Variants in REDIC1 observed in about 807,000 individuals in gnomAD.
REDIC1 encodes the protein regulator of DNA class I crossover intermediates 1.
the REDIC1 span, among the ~76,000 whole-genome samples, chr12:39,826,854 A>ATTTTTTTTTTTTTTTTTTT: frequency 1.3e-4 from 9 of 67,390 alleles, no homozygotes; most frequent in Non-Finnish European, 2.0e-4. Flanking sequence ...GTCTCTTTCA[A>ATTTTTTTTTTTTTTTTTTT]TTTTTTTTTT....
At chr12:39,775,157 C>T in the REDIC1 span, among the ~76,000 whole-genome samples, 2 of 152,064 alleles carry the variant, frequency 1.3e-5, no homozygotes, top group Non-Finnish European at 1.5e-5. Flanking sequence ...AATTAGAAAC[C>T]ATAAAAGTCT....
At chr12:39,866,968 T>C in the REDIC1 span, among the ~76,000 whole-genome samples, 3 of 152,196 alleles carry the variant, frequency 2.0e-5, no homozygotes, top group South Asian at 2.1e-4. Context: ...AATCACAGTT[T>C]GTTTAACTAC....
chr12:39,898,527 A>T, the REDIC1 span, among the ~76,000 whole-genome samples: 1 of 152,096 alleles, frequency 6.6e-6, no homozygotes, highest in African/African-American at 2.4e-5. Context: ...TGAACAGATT[A>T]CTATTCCTTC....
At chr12:39,718,111 T>G in the REDIC1 span, among the ~76,000 whole-genome samples, 1 of 152,124 alleles carries the variant, frequency 6.6e-6, no homozygotes, top group Admixed American at 6.6e-5. Flanking sequence ...GTTCATGGCT[T>G]TTTCTATAAC....
the REDIC1 span, chr12:39,758,414 A>T: frequency 6.6e-6 from 1 of 151,864 alleles, no homozygotes; most frequent in Non-Finnish European, 1.5e-5. Flanking sequence ...GGAGATAGCC[A>T]CCTTTTCTCT....
the REDIC1 span, among the ~76,000 whole-genome samples, chr12:39,858,665 G>A: frequency 6.6e-6 from 1 of 152,178 alleles, no homozygotes; most frequent in South Asian, 2.1e-4. Flanking sequence ...GGAGTGCAAT[G>A]GCACGATCTC....
At chr12:39,691,386 G>A in the REDIC1 span, among the ~76,000 whole-genome samples, 4 of 152,138 alleles carry the variant, frequency 2.6e-5, no homozygotes, top group South Asian at 6.2e-4. Flanking sequence ...CCCATGATAT[G>A]TATGCAAACA....
the REDIC1 span, among the ~76,000 whole-genome samples, chr12:39,774,778 T>C: frequency 6.6e-6 from 1 of 152,328 alleles, no homozygotes; most frequent in East Asian, 1.9e-4. Context: ...TTTTCCTGAA[T>C]AAAATATTAT....
chr12:39,764,710 C>A, the REDIC1 span: 2 of 1,605,840 alleles, frequency 1.2e-6, no homozygotes, highest in South Asian at 2.3e-5. Context: ...TCAATTAATG[C>A]AACAGTATAA....
At chr12:39,654,180 A>G in the REDIC1 span, among the ~76,000 whole-genome samples, 1 of 152,084 alleles carries the variant, frequency 6.6e-6, no homozygotes, top group East Asian at 1.9e-4. Flanking sequence ...AATTTTGTCA[A>G]GTGCTCCTTC....
chr12:39,669,860 G>A, the REDIC1 span, among the ~76,000 whole-genome samples: 17 of 152,194 alleles, frequency 1.1e-4, no homozygotes, highest in Admixed American at 1.0e-3. Flanking sequence ...CAGGTGTGGG[G>A]TATAATTTCC....
chr12:39,870,984 T>A, the REDIC1 span, among the ~76,000 whole-genome samples: 1 of 152,238 alleles, frequency 6.6e-6, no homozygotes, highest in African/African-American at 2.4e-5. Context: ...CTGGAAACTA[T>A]CTTTTAATGG....
the REDIC1 span, among the ~76,000 whole-genome samples, chr12:39,711,437 ATG>A: frequency 1.5e-4 from 10 of 66,600 alleles, no homozygotes; most frequent in East Asian, 6.4e-4. Flanking sequence ...GTATATGTAT[ATG>A]TGTGTACATA....
At chr12:39,806,453 A>AT in the REDIC1 span, among the ~76,000 whole-genome samples, 1 of 152,186 alleles carries the variant, frequency 6.6e-6, no homozygotes, top group African/African-American at 2.4e-5. Context: ...TACAGGATAT[A>AT]TATTTTCCCT....
chr12:39,887,150 AT>A, the REDIC1 span, among the ~76,000 whole-genome samples: 2 of 152,146 alleles, frequency 1.3e-5, no homozygotes, highest in Non-Finnish European at 2.9e-5. Flanking sequence ...AACACTTTAA[AT>A]TTTTTTGCAA....
At chr12:39,629,508 C>A in the REDIC1 span, among the ~76,000 whole-genome samples, 106 of 152,242 alleles carry the variant, frequency 7.0e-4, 1 homozygote, top group African/African-American at 2.5e-3. Context: ...TTGCAAAGAT[C>A]TTTACAGCTT....
chr12:39,697,788 A>G, the REDIC1 span, among the ~76,000 whole-genome samples: 3 of 152,184 alleles, frequency 2.0e-5, no homozygotes, highest in African/African-American at 7.2e-5. Context: ...AAGAAAATAA[A>G]TTATGTCACC....
the REDIC1 span, among the ~76,000 whole-genome samples, chr12:39,823,061 G>A: frequency 6.6e-6 from 1 of 152,164 alleles, no homozygotes; most frequent in Non-Finnish European, 1.5e-5. Flanking sequence ...CTAGAGGCAT[G>A]TGATCTCTGA....
At chr12:39,780,778 C>T in the REDIC1 span, among the ~76,000 whole-genome samples, 16 of 152,142 alleles carry the variant, frequency 1.1e-4, 1 homozygote, top group African/African-American at 2.4e-4. Context: ...AATACATACA[C>T]GAAAACATGG....
Sources: gnomAD v4.1 joint callset for allele counts (sites outside exome capture counted in the v4.1 genomes callset) on GRCh38, gnomAD v4.1.1 for gene constraint, MANE v1.5 for transcripts, NCBI Gene and HGNC (gene_info 2026-07-23, HGNC 2026-07-21) for gene names.